Variants in CHD7 observed in about 807,000 individuals in gnomAD.
CHD7 encodes the protein chromodomain helicase DNA binding protein 7, also known as ATP-dependent chromatin remodeler CHD7.
In CHD7, 24 loss-of-function variants were observed where a neutral mutation model predicts 307.3. The ratio of observed to expected loss-of-function variants is 0.08; its 90% CI spans 0.06 to 0.11. The LOEUF is 0.11. Among genes scored for constraint, CHD7 ranks in the 10% least tolerant of loss-of-function variants. CHD7 has a pLI of 1.00. For missense variants in CHD7, 3,106 were observed against 3,727.1 expected, an observed-to-expected ratio of 0.83 and a Z score of 4.34; for synonymous variants, 1,363 against 1,349.9, an observed-to-expected ratio of 1.01 and a Z score of -0.21.
At chr8:60,828,046 G>A (rs1804335342) in intron 13 of CHD7, among the ~76,000 whole-genome samples, 1 of 151,938 alleles carries the variant, frequency 6.6e-6, no homozygotes, top group Non-Finnish European at 1.5e-5. Context: ...GAAAGAGTTC[G>A]TAAACAGGAA....
At chr8:60,790,266 G>A (rs1188325717) in intron 3 of CHD7, among the ~76,000 whole-genome samples, 3 of 152,004 alleles carry the variant, frequency 2.0e-5, no homozygotes, top group African/African-American at 7.3e-5. Context: ...AGCCTCACAA[G>A]TGGATGGCTC....
At position 60,853,073 on chromosome 8, in the gene CHD7, C is replaced by G; in HGVS notation, c.6348C>G (p.Ile2116Met). 1.9e-6 allele frequency: 3 copies of G among 1,613,958 alleles called. No individual in the cohort carries two copies. The highest frequency in any genetic ancestry group is 2.5e-6 in the Non-Finnish European group (3 of 1,179,894). Residue 2116 changes from isoleucine (I) to methionine (M), a missense_variant, in exon 31 of 38, where the codon ATC becomes ATG. By Grantham distance (10) the Ile-to-Met change is conservative (BLOSUM62 1). This residue lies in a region of CHD7 where 1,030 missense variants were observed against 1,165.4 expected (regional missense o/e 0.88). Transcript: ENST00000423902. ...KHGVSRTDYH[I>M]LNDPELSFLD... ...GGGTCAGTCGGACGGATTATCACAT[C>G]CTCAATGACCCTGAGTTATCCTTCT...
intron 3 of CHD7, among the ~76,000 whole-genome samples, chr8:60,784,792 A>T (rs1468374023): frequency 6.6e-6 from 1 of 152,206 alleles, no homozygotes; most frequent in South Asian, 2.1e-4. Flanking sequence ...ACATAGAGTG[A>T]TGGTGAAGCA....
chr8:60,789,803 T>TA (rs1432055357), intron 3 of CHD7, among the ~76,000 whole-genome samples: 2 of 152,252 alleles, frequency 1.3e-5, no homozygotes, highest in African/African-American at 2.4e-5. Flanking sequence ...CTTACGAACT[T>TA]ACAGTTGTAA....
intron 2 of CHD7, among the ~76,000 whole-genome samples, chr8:60,779,534 G>A (rs1035028923): frequency 6.6e-6 from 1 of 152,196 alleles, no homozygotes; most frequent in Non-Finnish European, 1.5e-5. Context: ...ATGAGATTCA[G>A]GGGAATTAAC....
At chr8:60,689,169 A>G (rs1806069484) in intron 1 of CHD7, among the ~76,000 whole-genome samples, 1 of 152,248 alleles carries the variant, frequency 6.6e-6, no homozygotes, top group Non-Finnish European at 1.5e-5. Context: ...GAATAACAAA[A>G]TAAGTGAGTC....
At chr8:60,831,973 T>C (rs1022566246) in intron 15 of CHD7, among the ~76,000 whole-genome samples, 15 of 152,100 alleles carry the variant, frequency 9.9e-5, no homozygotes, top group African/African-American at 3.6e-4. Flanking sequence ...GCACCTGGGA[T>C]CATTGGTGTG....
At chr8:60,860,589 C>G (rs935376877) in intron 34 of CHD7, among the ~76,000 whole-genome samples, 2 of 152,236 alleles carry the variant, frequency 1.3e-5, no homozygotes, top group African/African-American at 4.8e-5. Context: ...CAAGTGCCAC[C>G]ATGCCTGGCT....
chr8:60,786,743 A>G (rs1029117650), intron 3 of CHD7, among the ~76,000 whole-genome samples: 2 of 152,252 alleles, frequency 1.3e-5, no homozygotes, highest in African/African-American at 4.8e-5. Context: ...AGAAGGAATC[A>G]TAGGCTGATT....
intron 1 of CHD7, among the ~76,000 whole-genome samples, chr8:60,715,990 A>G (rs552230233): frequency 7.2e-5 from 11 of 152,320 alleles, no homozygotes; most frequent in African/African-American, 2.6e-4. Context: ...GCAGATGTTA[A>G]AGTACCTTCC....
intron 8 of CHD7, among the ~76,000 whole-genome samples, chr8:60,818,813 T>C (rs576592788): frequency 1.4e-4 from 21 of 152,210 alleles, no homozygotes; most frequent in Non-Finnish European, 1.2e-4. Flanking sequence ...CTAAGTGACT[T>C]CTAGTTTACC....
At chr8:60,775,713 G>A (rs982121201) in intron 2 of CHD7, among the ~76,000 whole-genome samples, 3 of 152,168 alleles carry the variant, frequency 2.0e-5, no homozygotes, top group African/African-American at 7.2e-5. Context: ...AGTCTATTAA[G>A]GGCTTGGAAA....
At chr8:60,855,920 G>A in intron 32 of CHD7, 55 bp from the exon 33 acceptor site, 1 of 1,199,338 alleles carries the variant, frequency 8.3e-7, no homozygotes, top group South Asian at 1.3e-5. Flanking sequence ...TATTTATCTA[G>A]TAATTTTAAC....
chr8:60,820,233 T>G (rs758258365), intron 9 of CHD7, 143 bp downstream of exon 9: 7 of 466,326 alleles, frequency 1.5e-5, no homozygotes, highest in Non-Finnish European at 2.7e-5. Flanking sequence ...TGAAACTTAA[T>G]GATTTATTAT....
At chr8:60,737,441 T>C (rs1808767007) in intron 1 of CHD7, among the ~76,000 whole-genome samples, 1 of 152,232 alleles carries the variant, frequency 6.6e-6, no homozygotes, top group Non-Finnish European at 1.5e-5. Flanking sequence ...AGAAGTTTAC[T>C]CCTCTCAGTC....
intron 1 of CHD7, among the ~76,000 whole-genome samples, chr8:60,696,318 T>G (rs1447629462): frequency 2.0e-5 from 3 of 152,238 alleles, no homozygotes; most frequent in Admixed American, 2.0e-4. Context: ...GCAGTTTCAC[T>G]TAATTAAAAG....
intron 37 of CHD7, chr8:60,863,760 A>G (rs2129741226): frequency 7.6e-6 from 1 of 130,872 alleles, no homozygotes; most frequent in Non-Finnish European, 1.6e-5. Context: ...TTTTTTTGAG[A>G]CAAGGTGTTT....
In CHD7 at chr8:60,742,376, A is replaced by G. The variant is rs1487919186; in HGVS notation, c.944A>G (p.Tyr315Cys). Residue 315 changes from tyrosine (Y) to cysteine (C), a missense_variant, in exon 2 of 38, where the codon TAC becomes TGC. Tyr to Cys is a radical substitution (Grantham distance 194). Transcript: ENST00000423902. ...NNSGQYSRYP[Y>C]SNLNQGLVNN... ...TCAGGGCAGTATTCTCGATATCCTT[A>G]CAGTAACCTAAATCAGGGATTAGTT... The G allele has an allele frequency of 1.2e-6, 2 of 1,613,878 alleles. No individual in the cohort carries two copies. Among genetic ancestry groups the G allele is most frequent in the Non-Finnish European group, 1.7e-6 (2 of 1,179,878 alleles).
intron 1 of CHD7, among the ~76,000 whole-genome samples, chr8:60,721,821 T>G (rs1354270790): frequency 1.3e-5 from 2 of 152,176 alleles, no homozygotes; most frequent in Admixed American, 1.3e-4. Context: ...CCCGCCCAAC[T>G]AGGAAGTTGT....
Sources: allele counts gnomAD v4.1 joint callset (sites outside exome capture counted in the v4.1 genomes callset), GRCh38; gene constraint gnomAD v4.1.1; regional missense constraint gnomAD v4.1.1; transcripts MANE v1.5; gene names NCBI Gene and HGNC (gene_info 2026-07-23, HGNC 2026-07-21).